The following RPTOR variants were observed in gnomAD, a reference collection of about 807,000 sequenced individuals.
RPTOR encodes regulatory associated protein of MTOR complex 1.
RPTOR carries 21 observed loss-of-function variants against 169.9 expected under a neutral mutation model. The observed-to-expected ratio is 0.12, with a 90% CI of 0.09 to 0.18. RPTOR has a LOEUF of 0.18. Among genes scored for constraint, RPTOR ranks in the 10% least tolerant of loss-of-function variants. The pLI is 1.00. For synonymous variants in RPTOR, 732 were observed against 753.2 expected (o/e 0.97, Z 0.46); for missense variants, 1,133 against 1,855.9 (o/e 0.61, Z 7.16).
intron 28 of RPTOR, 137 bp downstream of exon 28, chr17:80,949,684 C>T: frequency 1.4e-6 from 1 of 695,168 alleles, no homozygotes. Flanking sequence ...AAAGCAACAG[C>T]TCCCCGCCAA....
At chr17:80,886,535 T>C (rs754661551) in intron 17 of RPTOR, among the ~76,000 whole-genome samples, 2 of 152,226 alleles carry the variant, frequency 1.3e-5, no homozygotes, top group Non-Finnish European at 2.9e-5. Context: ...TCTGCTAAAA[T>C]TCTTTTTAAA....
chr17:80,954,418 G>A (rs184024649), intron 28 of RPTOR, among the ~76,000 whole-genome samples: 182 of 151,646 alleles, frequency 1.2e-3, no homozygotes, highest in Middle Eastern at 3.4e-3. Context: ...CACTGTGCCC[G>A]GGCTACATTG....
chr17:80,900,262 C>T (rs767674974), intron 20 of RPTOR, among the ~76,000 whole-genome samples: 1 of 152,072 alleles, frequency 6.6e-6, no homozygotes, highest in African/African-American at 2.4e-5. Flanking sequence ...GCCTGGTGGT[C>T]GCAGCTCTCT....
At chr17:80,671,458 A>C (rs887261286) in intron 3 of RPTOR, among the ~76,000 whole-genome samples, 4 of 152,056 alleles carry the variant, frequency 2.6e-5, no homozygotes, top group Non-Finnish European at 5.9e-5. Flanking sequence ...TGATGTGTCT[A>C]TTTGCCCTCT....
rs541249274 is a variant in RPTOR, at chr17:80,781,435, G to GA, written c.831-10015_831-10014insA. ...TTCCCGGAGGGTACCAACGAGCTAG[G>GA]CCTGGTGCTGCCGAAAAGGAACTCA... On this transcript the variant is annotated intron_variant, in intron 6 of 33. Transcript: ENST00000306801. Among the ~76,000 whole-genome samples, 360 of 152,264 alleles carry GA rather than the reference G, an allele frequency of 2.4e-3. 2 individuals are homozygous for GA. Among genetic ancestry groups the GA allele is most frequent in the Non-Finnish European group, 1.4e-3 (98 of 68,024 alleles).
chr17:80,608,427 T>C (rs1169969240), intron 1 of RPTOR, among the ~76,000 whole-genome samples: 1 of 152,258 alleles, frequency 6.6e-6, no homozygotes, highest in Admixed American at 6.5e-5. Flanking sequence ...ACAGCCGTTG[T>C]TTTTTCTAAC....
At chr17:80,937,585 C>T (rs1181311096) in intron 24 of RPTOR, among the ~76,000 whole-genome samples, 1 of 152,210 alleles carries the variant, frequency 6.6e-6, no homozygotes, top group Non-Finnish European at 1.5e-5. Flanking sequence ...TCAAGATCCT[C>T]ATCATGTAAC....
At chr17:80,741,111 A>G in intron 5 of RPTOR, among the ~76,000 whole-genome samples, 1 of 152,210 alleles carries the variant, frequency 6.6e-6, no homozygotes, top group East Asian at 1.9e-4. Flanking sequence ...GCTGCTTCAG[A>G]AGATAGTCTG....
chr17:80,784,752 G>A (rs192979391), intron 6 of RPTOR, among the ~76,000 whole-genome samples: 64 of 150,838 alleles, frequency 4.2e-4, no homozygotes, highest in African/African-American at 1.5e-3. Flanking sequence ...AGGCTGGAGT[G>A]CAGTGGCGCA....
intron 6 of RPTOR, among the ~76,000 whole-genome samples, chr17:80,758,705 G>A (rs2066705135): frequency 6.6e-6 from 1 of 152,002 alleles, no homozygotes; most frequent in Non-Finnish European, 1.5e-5. Flanking sequence ...CCGGTTTCCT[G>A]CATGACTGCT....
At chr17:80,675,699 C>T (rs1432930741) in intron 3 of RPTOR, among the ~76,000 whole-genome samples, 1 of 152,328 alleles carries the variant, frequency 6.6e-6, no homozygotes, top group East Asian at 1.9e-4. Context: ...GCCCGCAGAA[C>T]CCGGCTGCTC....
intron 7 of RPTOR, among the ~76,000 whole-genome samples, chr17:80,800,011 A>G (rs1157415488): frequency 6.6e-6 from 1 of 152,182 alleles, no homozygotes; most frequent in South Asian, 2.1e-4. Context: ...GCCAGGCCAG[A>G]GCTCTCTAGG....
chr17:80,628,935 A>T (rs1018647156), intron 2 of RPTOR, among the ~76,000 whole-genome samples: 1 of 152,078 alleles, frequency 6.6e-6, no homozygotes, highest in Non-Finnish European at 1.5e-5. Flanking sequence ...TAGACATTGT[A>T]CCGCAGCTCT....
chr17:80,573,305 G>A (rs1410253736), intron 1 of RPTOR, among the ~76,000 whole-genome samples: 3 of 152,158 alleles, frequency 2.0e-5, no homozygotes, highest in East Asian at 1.9e-4. Flanking sequence ...AGAAAATTTG[G>A]GGGGTATTTG....
At chr17:80,606,083 C>T (rs2065226550) in intron 1 of RPTOR, among the ~76,000 whole-genome samples, 1 of 152,240 alleles carries the variant, frequency 6.6e-6, no homozygotes, top group South Asian at 2.1e-4. Context: ...GCGATCTGGG[C>T]TCACTGCAAG....
intron 3 of RPTOR, among the ~76,000 whole-genome samples, chr17:80,653,314 A>G (rs1218448220): frequency 6.6e-6 from 1 of 152,224 alleles, no homozygotes; most frequent in African/African-American, 2.4e-5. Context: ...AGGCCAAGAC[A>G]GGAGGATCCT....
intron 3 of RPTOR, among the ~76,000 whole-genome samples, chr17:80,681,876 A>G (rs1175519630): frequency 6.6e-6 from 1 of 152,082 alleles, no homozygotes; most frequent in African/African-American, 2.4e-5. Flanking sequence ...AAACGTAGTT[A>G]CAATCTCTCC....
intron 2 of RPTOR, among the ~76,000 whole-genome samples, chr17:80,640,745 C>T (rs2065546806): frequency 6.6e-6 from 1 of 152,186 alleles, no homozygotes; most frequent in South Asian, 2.1e-4. Flanking sequence ...GGAGAAGGGC[C>T]TGGACTTTCC....
At chr17:80,605,332 G>C (rs1345312689) in intron 1 of RPTOR, among the ~76,000 whole-genome samples, 4 of 152,176 alleles carry the variant, frequency 2.6e-5, no homozygotes, top group Non-Finnish European at 5.9e-5. Flanking sequence ...GTGATGGCAG[G>C]TGTATAACCT....
Sources: allele counts gnomAD v4.1 joint callset (sites outside exome capture counted in the v4.1 genomes callset), GRCh38; gene constraint gnomAD v4.1.1; transcripts MANE v1.5; gene names NCBI Gene and HGNC (gene_info 2026-07-23, HGNC 2026-07-21).